Variants in SETDB2 observed in about 807,000 individuals in gnomAD.
SETDB2 encodes the protein SET domain bifurcated histone lysine methyltransferase 2.
A neutral mutation model predicts 82.5 loss-of-function variants in SETDB2; 56 were observed. The observed-to-expected ratio is 0.68, with a 90% CI of 0.55 to 0.85. The LOEUF is 0.85. Among genes scored for constraint, SETDB2 ranks in the 40% least tolerant of loss-of-function variants. The pLI is 0.00. For synonymous variants in SETDB2, 272 were observed against 284.9 expected (o/e 0.95, Z 0.46); for missense variants, 677 against 816.4 (o/e 0.83, Z 2.08).
At chr13:49,458,595 T>C (rs140829401) in intron 2 of SETDB2, among the ~76,000 whole-genome samples, 149 of 152,342 alleles carry the variant, frequency 9.8e-4, no homozygotes, top group African/African-American at 3.5e-3. Flanking sequence ...CCCTTCTTAT[T>C]CTGTATGTTC....
chr13:49,491,258 T>C (rs1245096642), intron 13 of SETDB2, among the ~76,000 whole-genome samples: 1 of 152,236 alleles, frequency 6.6e-6, no homozygotes, highest in Non-Finnish European at 1.5e-5. Flanking sequence ...AAATATCTGG[T>C]ACTGTAGAAT....
intron 5 of SETDB2, among the ~76,000 whole-genome samples, chr13:49,471,922 A>G (rs987889583): frequency 1.6e-5 from 1 of 61,086 alleles, no homozygotes; most frequent in African/African-American, 9.4e-5. Context: ...ACATATATAT[A>G]TATATATATA....
Position 49,494,770 on chromosome 13 carries a change from CTT to C in SETDB2, c.*2922_*2923del, listed in dbSNP as rs886564257. 2.6e-5 allele frequency: 4 copies of C among 152,222 alleles called. No individual in the cohort carries two copies. Among genetic ancestry groups the C allele is most frequent in the African/African-American group, 9.6e-5 (4 of 41,456 alleles). The allele number at this position is 152,222 out of a possible 1,614,324, so 9.4% of individuals were successfully genotyped here. A position where few individuals can be genotyped will look rare whatever the true frequency, so the allele number is the denominator to read the frequency against. On this transcript the variant is annotated 3_prime_UTR_variant, in exon 14 of 14. Coordinates refer to ENST00000611815, the MANE Select transcript of SETDB2 (RefSeq NM_001160308.3). ...CAAATTGTCCTTTTTAATGTTCTCTCTTCTGCTATCCCTAGTTGGCAGTCTTC... is the reference window on the plus strand; with the variant it reads ...CAAATTGTCCTTTTTAATGTTCTCTCCTGCTATCCCTAGTTGGCAGTCTTC...
intron 2 of SETDB2, among the ~76,000 whole-genome samples, chr13:49,453,928 T>C (rs1254240602): frequency 2.0e-5 from 3 of 152,128 alleles, no homozygotes; most frequent in African/African-American, 7.2e-5. Flanking sequence ...TATTTCTATA[T>C]GTAACTGTTT....
intron 5 of SETDB2, among the ~76,000 whole-genome samples, chr13:49,473,754 C>T (rs1958296897): frequency 6.6e-6 from 1 of 151,786 alleles, no homozygotes; most frequent in Non-Finnish European, 1.5e-5. Flanking sequence ...AAGAACAAGG[C>T]CATGAGAACC....
chr13:49,485,807 G>T, intron 11 of SETDB2, 84 bp downstream of exon 11: 4 of 1,106,548 alleles, frequency 3.6e-6, no homozygotes, highest in Non-Finnish European at 5.6e-6. Context: ...CATTTTCTTA[G>T]ATTCCATAAT....
chr13:49,475,049 T>C (rs1184379680), intron 5 of SETDB2, among the ~76,000 whole-genome samples: 1 of 152,168 alleles, frequency 6.6e-6, no homozygotes, highest in African/African-American at 2.4e-5. Context: ...CCAGGCAATT[T>C]ACAAAAGAAG....
At chr13:49,452,440 T>C (rs534664091) in intron 2 of SETDB2, among the ~76,000 whole-genome samples, 10 of 152,322 alleles carry the variant, frequency 6.6e-5, no homozygotes, top group Non-Finnish European at 1.2e-4. Flanking sequence ...CAAAATACTT[T>C]TAGTGTTACA....
chr13:49,469,428 CGTT>C (rs1958183120), intron 5 of SETDB2, among the ~76,000 whole-genome samples: 1 of 152,192 alleles, frequency 6.6e-6, no homozygotes, highest in Non-Finnish European at 1.5e-5. Context: ...TTATTGAAAA[CGTT>C]GTCAAAAAAG....
intron 8 of SETDB2, chr13:49,482,148 C>T (rs1037453698): frequency 3.0e-6 from 3 of 985,274 alleles, no homozygotes; most frequent in East Asian, 1.1e-4. Context: ...TTGGTTTTAT[C>T]GTTGTTGCTG....
intron 2 of SETDB2, among the ~76,000 whole-genome samples, chr13:49,458,328 G>A (rs561958772): frequency 6.6e-6 from 1 of 152,240 alleles, no homozygotes; most frequent in South Asian, 2.1e-4. Flanking sequence ...TCCTGTCTCG[G>A]TCTCCTAAAG....
At chr13:49,486,427 C>T (rs1958599730) in intron 11 of SETDB2, among the ~76,000 whole-genome samples, 1 of 152,156 alleles carries the variant, frequency 6.6e-6, no homozygotes, top group Non-Finnish European at 1.5e-5. Flanking sequence ...CCAGCAAAGC[C>T]TGAAATATTT....
At chr13:49,479,806 T>C (rs1250222177) in intron 6 of SETDB2, among the ~76,000 whole-genome samples, 1 of 152,222 alleles carries the variant, frequency 6.6e-6, no homozygotes, top group Non-Finnish European at 1.5e-5. Context: ...CCCAGTCTGT[T>C]TCTGTCACTG....
At chr13:49,457,178 C>A (rs1027046723) in intron 2 of SETDB2, among the ~76,000 whole-genome samples, 1 of 148,018 alleles carries the variant, frequency 6.8e-6, no homozygotes, top group Non-Finnish European at 1.5e-5. Flanking sequence ...TAGTTCCTAC[C>A]AGAATAATTT....
At chr13:49,449,552 C>G (rs1444209668) in intron 1 of SETDB2, among the ~76,000 whole-genome samples, 1 of 152,064 alleles carries the variant, frequency 6.6e-6, no homozygotes, top group Non-Finnish European at 1.5e-5. Context: ...AGGTTAGCCC[C>G]AAGTTTTCTT....
chr13:49,449,661 C>G (rs1868321469), intron 1 of SETDB2, among the ~76,000 whole-genome samples: 6 of 152,138 alleles, frequency 3.9e-5, no homozygotes, highest in Admixed American at 3.9e-4. Context: ...GATAAGGCCC[C>G]TGTAAAGAAG....
rs1434717699 is a variant in SETDB2, at chr13:49,453,260, C to T, written c.16+1351C>T. 5.3e-5 allele frequency among the ~76,000 whole-genome samples: 8 copies of T among 151,128 alleles called. No individual in the cohort carries two copies. The South Asian group carries it at 8.4e-4, about 16-fold the overall frequency. On this transcript the variant is annotated intron_variant, in intron 2 of 13. Coordinates refer to ENST00000611815, the MANE Select transcript of SETDB2 (RefSeq NM_001160308.3). ...ATTTATTTTGTTTTTCAAATTGTCC[C>T]GGGTTTGGCTATTGGGAGCTCTTTC...
In SETDB2 at chr13:49,451,644, C is replaced by T. The variant is rs912124229; in HGVS notation, c.-250C>T. 21 of 331,276 alleles carry T rather than the reference C, an allele frequency of 6.3e-5. No individual in the cohort carries two copies. The highest frequency in any genetic ancestry group is 8.8e-5 in the South Asian group (1 of 11,358). The allele number at this position is 331,276 out of a possible 1,614,324, so 20.5% of individuals were successfully genotyped here. A position where few individuals can be genotyped will look rare whatever the true frequency, so the allele number is the denominator to read the frequency against. On this transcript the variant is annotated 5_prime_UTR_variant, in exon 2 of 14. In the 5' UTR this introduces an upstream ATG that the reference lacks. Coordinates refer to ENST00000611815, the MANE Select transcript of SETDB2 (RefSeq NM_001160308.3). Reference sequence around the variant, plus strand: ...GATCTGATACCACTACAAATATTTACGTGAGAAGATTCATGGACTTGTCTT... The same window carrying T: ...GATCTGATACCACTACAAATATTTATGTGAGAAGATTCATGGACTTGTCTT...
chr13:49,445,155 G>A (rs1004465803), intron 1 of SETDB2, among the ~76,000 whole-genome samples: 1 of 152,076 alleles, frequency 6.6e-6, no homozygotes, highest in African/African-American at 2.4e-5. Flanking sequence ...TGCCACTTAC[G>A]GTATGGCATT....
Sources: gnomAD v4.1 joint callset for allele counts (sites outside exome capture counted in the v4.1 genomes callset) on GRCh38, gnomAD v4.1.1 for gene constraint, MANE v1.5 for transcripts, NCBI Gene and HGNC (gene_info 2026-07-23, HGNC 2026-07-21) for gene names.